Variants in RREB1 observed in about 807,000 individuals in gnomAD.
RREB1 encodes the protein ras-responsive element-binding protein 1.
A neutral mutation model predicts 117.8 loss-of-function variants in RREB1; 27 were observed. The observed-to-expected ratio is 0.23, with a 90% confidence interval of 0.17 to 0.32. The LOEUF (loss-of-function observed/expected upper bound fraction) is 0.32, where lower values mean the gene tolerates loss of function less well. Ranked by LOEUF, RREB1 falls within the 10% of genes least tolerant of loss-of-function variation. RREB1 has a pLI of 1.00. For missense variants in RREB1, 2,577 were observed against 2,378.2 expected, an observed-to-expected ratio of 1.08 and a Z score of -1.74; for synonymous variants, 1,298 against 1,026.7, an observed-to-expected ratio of 1.26 and a Z score of -5.05.
chr6:7,137,604 T>C (rs1762396422), intron 1 of RREB1, among the ~76,000 whole-genome samples: 1 of 152,232 alleles, frequency 6.6e-6, no homozygotes, highest in South Asian at 2.1e-4. Flanking sequence ...GGCTCCACTG[T>C]TGGAGTCATT....
At chr6:7,247,350 T>G (rs1392036811) in intron 12 of RREB1, 129 bp downstream of exon 12, 1 of 807,480 alleles carries the variant, frequency 1.2e-6, no homozygotes, top group East Asian at 2.7e-5. Flanking sequence ...GTGTGCCCTT[T>G]AAGCCCGTGA....
chr6:7,142,033 G>A (rs1291810199), intron 1 of RREB1, among the ~76,000 whole-genome samples: 1 of 151,918 alleles, frequency 6.6e-6, no homozygotes, highest in African/African-American at 2.4e-5. Context: ...CCAACATGGT[G>A]AAACCCCGTC....
intron 10 of RREB1, among the ~76,000 whole-genome samples, chr6:7,233,308 T>G (rs1282129429): frequency 1.3e-5 from 2 of 152,244 alleles, no homozygotes; most frequent in African/African-American, 2.4e-5. Context: ...AGTATATAAA[T>G]GGCCATACAA....
Position 7,240,417 on chromosome 6 carries a change from A to G in RREB1, c.3809-21A>G, listed in dbSNP as rs767724422. The G allele has an allele frequency of 2.5e-6, 4 of 1,595,926 alleles. No individual in the cohort carries two copies. The Admixed American group carries it at 5.2e-5, about 21-fold the overall frequency. On this transcript the variant is annotated intron_variant, in intron 10 of 12. Coordinates refer to ENST00000379938, the MANE Select transcript of RREB1 (RefSeq NM_001003699.4). Reference sequence around the variant, plus strand: ...TTGCAGTAGAAAGCCAGATAAATATATATTTTTTTTCCTGCTTCAGGTCAG... The same window carrying G: ...TTGCAGTAGAAAGCCAGATAAATATGTATTTTTTTTCCTGCTTCAGGTCAG...
chr6:7,229,041 C>T lies in RREB1; in HGVS notation c.942C>T (p.His314=). The change falls in exon 10 of 13, where the codon CAC becomes CAT. Residue 314 remains histidine (H), a synonymous_variant. Coordinates refer to ENST00000379938, the MANE Select transcript of RREB1 (RefSeq NM_001003699.4). This position sits in a 1 kb window ranked among gnomAD's most constrained non-coding sequence, Gnocchi z 4.5. The part of the protein sequence containing the change: ...TNLRRCISEQ[H]RFVCDTCDKA... ...TGCGGAGGTGCATCAGCGAGCAACA[C>T]CGTTTTGTCTGCGACACCTGTGACA... 3 of 1,552,994 alleles carry T rather than the reference C, an allele frequency of 1.9e-6. No homozygotes were observed. In the South Asian group the frequency reaches 3.6e-5, roughly 19 times the overall value.
rs1764817584 is a variant in RREB1 at position 7,181,870 on chromosome 6, T to C, written c.-42T>C. 6.2e-7 allele frequency: 1 copy of C among 1,611,306 alleles called. No homozygotes were observed. The highest frequency in any genetic ancestry group is 8.5e-7 in the Non-Finnish European group (1 of 1,177,526). On this transcript the variant is annotated splice_region_variant and 5_prime_UTR_variant, in exon 4 of 13. Coordinates refer to ENST00000379938, the MANE Select transcript of RREB1 (RefSeq NM_001003699.4). Reference sequence around the variant, plus strand: ...CACATCAGCAATTTCCAATTTTCAGTTTTATAGCAGAGGCTTCTTAGAAGC... The same window carrying C: ...CACATCAGCAATTTCCAATTTTCAGCTTTATAGCAGAGGCTTCTTAGAAGC...
At chr6:7,141,590 G>A (rs1762594686) in intron 1 of RREB1, among the ~76,000 whole-genome samples, 1 of 152,164 alleles carries the variant, frequency 6.6e-6, no homozygotes, top group Non-Finnish European at 1.5e-5. Context: ...CCCCAAATAA[G>A]TCCCCATTGA....
At chr6:7,189,346 G>C (rs371628259) in intron 6 of RREB1, 24 bp downstream of exon 6, 23 of 1,547,308 alleles carry the variant, frequency 1.5e-5, no homozygotes, top group Non-Finnish European at 1.8e-5. Flanking sequence ...CCCTTTGCTT[G>C]GGGGGTTGGC....
Position 7,206,094 on chromosome 6 carries a change from G to A in RREB1, c.426-4710G>A, listed in dbSNP as rs116566500. On this transcript the variant is annotated intron_variant, in intron 6 of 12. Coordinates refer to ENST00000379938, the MANE Select transcript of RREB1 (RefSeq NM_001003699.4). Reference sequence around the variant, plus strand: ...ACCACAGTGCGGTAGGATTCCTACTGTTAAAGTGTCATGCTTCCAAAAGAA... The same window carrying A: ...ACCACAGTGCGGTAGGATTCCTACTATTAAAGTGTCATGCTTCCAAAAGAA... Among the ~76,000 whole-genome samples, 920 of 152,350 alleles carry A rather than the reference G, an allele frequency of 6.0e-3. 14 individuals are homozygous for A. Among genetic ancestry groups the A allele is most frequent in the African/African-American group, 0.021 (868 of 41,572 alleles).
chr6:7,178,366 G>A (rs959671738), intron 2 of RREB1, among the ~76,000 whole-genome samples: 2 of 152,226 alleles, frequency 1.3e-5, no homozygotes, highest in Non-Finnish European at 2.9e-5. Context: ...AGTTTGGGCT[G>A]TTGTTCCAAA....
At chr6:7,174,221 T>G (rs1764385894) in intron 1 of RREB1, among the ~76,000 whole-genome samples, 1 of 150,922 alleles carries the variant, frequency 6.6e-6, no homozygotes, top group Non-Finnish European at 1.5e-5. Context: ...TTCTAATAAC[T>G]CTTTTGTACT....
At chr6:7,115,694 G>C (rs1285875) in intron 1 of RREB1, among the ~76,000 whole-genome samples, 95,057 of 151,768 alleles carry the variant, frequency 0.63, 31,677 homozygotes, top group Middle Eastern at 0.76. Flanking sequence ...CTGTCTTCTC[G>C]TCTAACCTAT....
chr6:7,203,803 G>A (rs1257177767), intron 6 of RREB1, among the ~76,000 whole-genome samples: 1 of 152,226 alleles, frequency 6.6e-6, no homozygotes, highest in Non-Finnish European at 1.5e-5. Flanking sequence ...GGAAAGTGGG[G>A]GCTTGTAGAA....
intron 10 of RREB1, among the ~76,000 whole-genome samples, chr6:7,237,550 G>A (rs1171969721): frequency 2.0e-5 from 3 of 152,162 alleles, no homozygotes; most frequent in Non-Finnish European, 4.4e-5. Context: ...AAGCGCTCGC[G>A]TTGGGGCTTG....
At position 7,230,174 on chromosome 6, in the gene RREB1, C is replaced by A. The variant is rs756773469; in HGVS notation, c.2075C>A (p.Thr692Lys). 1 of 1,607,060 alleles carries A rather than the reference C, an allele frequency of 6.2e-7. No homozygotes were observed. Among genetic ancestry groups the A allele is most frequent in the East Asian group, 2.2e-5 (1 of 44,856 alleles). The change falls in exon 10 of 13, where the codon ACG becomes AAG. Residue 692 changes from threonine (T) to lysine (K), a missense_variant. By Grantham distance (78) the Thr-to-Lys change is moderately conservative. Coordinates refer to ENST00000379938, the MANE Select transcript of RREB1 (RefSeq NM_001003699.4). ...DKAALIRHLR[T>K]HSGERPYICK... is the part of the protein sequence containing the mutation. Reference sequence around the variant, plus strand: ...GCCGCGCTCATCCGCCACCTGCGCACGCACAGTGGGGAGCGGCCCTACATT... The same window carrying A: ...GCCGCGCTCATCCGCCACCTGCGCAAGCACAGTGGGGAGCGGCCCTACATT...
At chr6:7,205,445 G>A (rs543439990) in intron 6 of RREB1, among the ~76,000 whole-genome samples, 5 of 152,298 alleles carry the variant, frequency 3.3e-5, no homozygotes, top group African/African-American at 7.2e-5. Flanking sequence ...GAGATCACAC[G>A]TCTCAAATGT....
intron 11 of RREB1, among the ~76,000 whole-genome samples, chr6:7,243,515 G>A (rs1296608381): frequency 6.6e-6 from 1 of 152,216 alleles, no homozygotes; most frequent in Non-Finnish European, 1.5e-5. Context: ...GGTGTTGAGG[G>A]CGGGGATTTA....
At chr6:7,243,498 G>T (rs1049186285) in intron 11 of RREB1, among the ~76,000 whole-genome samples, 1 of 152,332 alleles carries the variant, frequency 6.6e-6, no homozygotes, top group East Asian at 1.9e-4. Context: ...CTGCATTTGG[G>T]AGTCTGGGTG....
intron 2 of RREB1, among the ~76,000 whole-genome samples, chr6:7,177,199 A>G (rs1198281404): frequency 6.8e-6 from 1 of 146,962 alleles, no homozygotes; most frequent in Non-Finnish European, 1.5e-5. Flanking sequence ...AGTGTGGGCA[A>G]TAGAGTGAGA....
Sources: allele counts gnomAD v4.1 joint callset (sites outside exome capture counted in the v4.1 genomes callset), GRCh38; gene constraint gnomAD v4.1.1; non-coding constraint Gnocchi (gnomAD v3.1); transcripts MANE v1.5; gene names NCBI Gene and HGNC (gene_info 2026-07-23, HGNC 2026-07-21).